MYO1D: variants seen among roughly 807,000 people sequenced by gnomAD.
MYO1D encodes the protein myosin ID, also known as unconventional myosin-Id.
In MYO1D, 83 loss-of-function variants were observed where a neutral mutation model predicts 122.0. That is an observed-to-expected ratio of 0.68 (90% CI 0.57 to 0.82). The LOEUF is 0.82. Among genes scored for constraint, MYO1D ranks in the 40% least tolerant of loss-of-function variants. The pLI is 0.00. For missense variants in MYO1D, 1,157 were observed against 1,269.5 expected, an observed-to-expected ratio of 0.91 and a Z score of 1.35; for synonymous variants, 464 against 446.9, an observed-to-expected ratio of 1.04 and a Z score of -0.48.
chr17:32,608,007 A>C (rs2087650404), intron 20 of MYO1D, among the ~76,000 whole-genome samples: 1 of 152,230 alleles, frequency 6.6e-6, no homozygotes, highest in Non-Finnish European at 1.5e-5. Flanking sequence ...ATAAGATCGA[A>C]ATGCAAAATG....
chr17:32,698,302 C>A (rs2089199940), intron 16 of MYO1D, among the ~76,000 whole-genome samples: 1 of 101,766 alleles, frequency 9.8e-6, no homozygotes. Context: ...TCCCCCCTCT[C>A]CCTCCCCCTT....
At chr17:32,775,423 T>C in intron 4 of MYO1D, among the ~76,000 whole-genome samples, 1 of 152,168 alleles carries the variant, frequency 6.6e-6, no homozygotes, top group East Asian at 1.9e-4. Flanking sequence ...GTTCGCTTCA[T>C]AATTAGGATG....
chr17:32,550,352 G>A (rs990962899), intron 21 of MYO1D, among the ~76,000 whole-genome samples: 48 of 152,090 alleles, frequency 3.2e-4, no homozygotes, highest in South Asian at 2.1e-4. Flanking sequence ...TGCCTGCCTT[G>A]GCCTCCCAAA....
At chr17:32,584,667 A>T (rs969226848) in intron 21 of MYO1D, among the ~76,000 whole-genome samples, 1 of 151,770 alleles carries the variant, frequency 6.6e-6, no homozygotes, top group Non-Finnish European at 1.5e-5. Flanking sequence ...TAATTTTTAA[A>T]TTTTTTTGAA....
intron 10 of MYO1D, among the ~76,000 whole-genome samples, chr17:32,758,445 G>A (rs951427332): frequency 6.6e-6 from 1 of 152,054 alleles, no homozygotes; most frequent in Non-Finnish European, 1.5e-5. Context: ...AATGTTTTAG[G>A]TATGATAATG....
chr17:32,560,556 T>TATATATATATATATATATATATATAC (rs1567890309), intron 21 of MYO1D, among the ~76,000 whole-genome samples: 4 of 114,126 alleles, frequency 3.5e-5, no homozygotes, highest in Admixed American at 8.1e-5. Context: ...TATATATATA[T>TATATATATATATATATATATATATAC]ATATATATAT....
rs549813823 is a variant in MYO1D at position 32,722,470 on chromosome 17, C to A, written c.1747-1281G>T. On this transcript the variant is annotated intron_variant, in intron 14 of 21. Transcript: ENST00000318217. ...GCTGCCCACATTCCTTGGCTGGTGG[C>A]CCCCTTCCATCTTCAAAGCCAGCAA... 1.0e-3 allele frequency among the ~76,000 whole-genome samples: 158 copies of A among 152,308 alleles called. 1 individual carries two copies. Among genetic ancestry groups the A allele is most frequent in the African/African-American group, 3.7e-3 (152 of 41,564 alleles).
chr17:32,668,246 G>C (rs370744082), intron 16 of MYO1D, among the ~76,000 whole-genome samples: 9 of 152,294 alleles, frequency 5.9e-5, no homozygotes, highest in African/African-American at 2.2e-4. Flanking sequence ...CAGATCCAAA[G>C]TGGTGTCTGG....
At chr17:32,577,990 CG>C (rs2087294854) in intron 21 of MYO1D, among the ~76,000 whole-genome samples, 2 of 152,176 alleles carry the variant, frequency 1.3e-5, no homozygotes, top group Non-Finnish European at 2.9e-5. Context: ...CCGCCCATCT[CG>C]GCCTCCCAAA....
intron 16 of MYO1D, among the ~76,000 whole-genome samples, chr17:32,678,502 T>C (rs2088858368): frequency 6.7e-6 from 1 of 149,684 alleles, no homozygotes. Context: ...AGTGAGAATA[T>C]GCGGTGTTTG....
chr17:32,526,387 G>A (rs373824782), intron 21 of MYO1D, among the ~76,000 whole-genome samples: 8 of 151,924 alleles, frequency 5.3e-5, no homozygotes, highest in East Asian at 1.9e-4. Context: ...CTATTTTAAC[G>A]TATCAAATAT....
At position 32,560,559 on chromosome 17, in the gene MYO1D, A is replaced by C. The variant is rs1181935749; in HGVS notation, c.2864+44528T>G. On this transcript the variant is annotated intron_variant, in intron 21 of 21. Transcript: ENST00000318217. ...TATATATATATATATATATATATAT[A>C]TATATATATATATATATAACTTTTA... 4.2e-5 allele frequency among the ~76,000 whole-genome samples: 5 copies of C among 118,232 alleles called. No homozygotes were observed. The South Asian group carries it at 7.7e-4, about 18-fold the overall frequency. The allele number at this position is 118,232 out of a possible 152,430, so 77.6% of individuals were successfully genotyped here. A position where few individuals can be genotyped will look rare whatever the true frequency, so the allele number is the denominator to read the frequency against.
At chr17:32,665,365 C>T (rs1375278267) in intron 16 of MYO1D, among the ~76,000 whole-genome samples, 1 of 152,164 alleles carries the variant, frequency 6.6e-6, no homozygotes, top group East Asian at 1.9e-4. Flanking sequence ...GGCTGGGGAT[C>T]TTTGTCTGTT....
At chr17:32,500,398 A>AAC (rs1476071850) in intron 21 of MYO1D, among the ~76,000 whole-genome samples, 2 of 152,176 alleles carry the variant, frequency 1.3e-5, no homozygotes, top group Non-Finnish European at 2.9e-5. Flanking sequence ...GATACCTGTG[A>AAC]ACCAGACCTG....
At chr17:32,565,839 G>A (rs926360722) in intron 21 of MYO1D, among the ~76,000 whole-genome samples, 27 of 152,074 alleles carry the variant, frequency 1.8e-4, no homozygotes, top group Non-Finnish European at 2.8e-4. Context: ...TCCTGCCTCA[G>A]CCTCCCAAGT....
chr17:32,560,221 C>T (rs1444316577), intron 21 of MYO1D, among the ~76,000 whole-genome samples: 2 of 152,038 alleles, frequency 1.3e-5, no homozygotes, highest in Admixed American at 6.6e-5. Context: ...CACCACTGCA[C>T]TGCAGCCTGG....
rs529613390 is a variant in MYO1D, at chr17:32,770,934, T to C, written c.714+191A>G. ...GTCAGATGGTGATAAAATATCATAATTGATTTTAAGCAAAGTTGTTGATTC... is the reference window on the plus strand; with the variant it reads ...GTCAGATGGTGATAAAATATCATAACTGATTTTAAGCAAAGTTGTTGATTC... On this transcript the variant is annotated intron_variant, in intron 6 of 21. Transcript: ENST00000318217. 6.6e-5 allele frequency among the ~76,000 whole-genome samples: 10 copies of C among 152,342 alleles called. No homozygotes were observed. The South Asian group carries it at 1.9e-3, about 28-fold the overall frequency.
At chr17:32,677,798 C>A (rs990718143) in intron 16 of MYO1D, among the ~76,000 whole-genome samples, 1 of 152,004 alleles carries the variant, frequency 6.6e-6, no homozygotes, top group African/African-American at 2.4e-5. Flanking sequence ...CGAACACAAG[C>A]ATTAGGCTGC....
intron 21 of MYO1D, among the ~76,000 whole-genome samples, chr17:32,578,464 C>G (rs1400383387): frequency 1.3e-5 from 2 of 152,198 alleles, no homozygotes; most frequent in Non-Finnish European, 2.9e-5. Flanking sequence ...TAGGACATAC[C>G]CACAGTTAGA....
Sources: allele counts gnomAD v4.1 joint callset (sites outside exome capture counted in the v4.1 genomes callset), GRCh38; gene constraint gnomAD v4.1.1; transcripts MANE v1.5; gene names NCBI Gene and HGNC (gene_info 2026-07-23, HGNC 2026-07-21).